ENTREP2: variants seen among roughly 807,000 people sequenced by gnomAD.
ENTREP2 encodes the protein endosomal transmembrane epsin interactor 2.
the ENTREP2 span, chr15:29,126,429 A>G: frequency 2.6e-6 from 4 of 1,549,800 alleles, no homozygotes; most frequent in Admixed American, 7.9e-5. Flanking sequence ...CCATCGGGGG[A>G]TGGGCTGGAA....
the ENTREP2 span, among the ~76,000 whole-genome samples, chr15:29,188,941 G>A: frequency 1.5e-4 from 23 of 152,328 alleles, no homozygotes; most frequent in East Asian, 3.9e-4. Flanking sequence ...GGAGGGTGGC[G>A]TACCCTCGCT....
chr15:29,422,847 G>T, the ENTREP2 span, among the ~76,000 whole-genome samples: 1 of 152,154 alleles, frequency 6.6e-6, no homozygotes, highest in Admixed American at 6.5e-5. Context: ...GTACTCCATG[G>T]AATTAGAAGT....
the ENTREP2 span, among the ~76,000 whole-genome samples, chr15:29,255,428 A>C: frequency 6.6e-6 from 1 of 152,196 alleles, no homozygotes; most frequent in African/African-American, 2.4e-5. Flanking sequence ...TGGAAATGTA[A>C]ATTAGTTCAG....
At chr15:29,125,781 C>T in the ENTREP2 span, among the ~76,000 whole-genome samples, 1 of 152,216 alleles carries the variant, frequency 6.6e-6, no homozygotes, top group African/African-American at 2.4e-5. Flanking sequence ...AGGTCCTAGG[C>T]TCCAGGGCAC....
the ENTREP2 span, among the ~76,000 whole-genome samples, chr15:29,443,832 C>T: frequency 1.2e-4 from 18 of 152,016 alleles, no homozygotes; most frequent in Admixed American, 3.9e-4. Flanking sequence ...GGGCCGGGCG[C>T]GGTGGCTCAC....
the ENTREP2 span, among the ~76,000 whole-genome samples, chr15:29,159,239 G>A: frequency 6.6e-6 from 1 of 152,054 alleles, no homozygotes; most frequent in Non-Finnish European, 1.5e-5. Flanking sequence ...CCTCCGCGGT[G>A]AGTGTTACAG....
chr15:29,362,755 C>T, the ENTREP2 span, among the ~76,000 whole-genome samples: 2 of 151,952 alleles, frequency 1.3e-5, no homozygotes, highest in Non-Finnish European at 1.5e-5. Flanking sequence ...AAAAAATGTG[C>T]CTGATGGATT....
the ENTREP2 span, among the ~76,000 whole-genome samples, chr15:29,407,325 C>T: frequency 1.3e-5 from 2 of 152,122 alleles, no homozygotes; most frequent in Non-Finnish European, 2.9e-5. Flanking sequence ...CATGGGACCA[C>T]CATTGTATAC....
the ENTREP2 span, among the ~76,000 whole-genome samples, chr15:29,247,676 A>C: frequency 6.6e-6 from 1 of 152,170 alleles, no homozygotes; most frequent in Non-Finnish European, 1.5e-5. Context: ...CCCAGCATAC[A>C]TGTCCAGCTT....
At chr15:29,588,490 A>AAG in the ENTREP2 span, among the ~76,000 whole-genome samples, 82 of 136,416 alleles carry the variant, frequency 6.0e-4, no homozygotes, top group Non-Finnish European at 8.5e-4. Flanking sequence ...AAGAGAGATC[A>AAG]AGAGAGAGAG....
At chr15:29,293,873 C>T in the ENTREP2 span, among the ~76,000 whole-genome samples, 4 of 152,226 alleles carry the variant, frequency 2.6e-5, no homozygotes, top group Admixed American at 6.5e-5. Context: ...GGGTTCGCTG[C>T]CATGCCCAAG....
chr15:29,224,336 G>A, the ENTREP2 span, among the ~76,000 whole-genome samples: 1 of 152,152 alleles, frequency 6.6e-6, no homozygotes, highest in African/African-American at 2.4e-5. Flanking sequence ...GTGAGCAGCA[G>A]CAACTTATTG....
chr15:29,233,779 G>A, the ENTREP2 span: 2 of 1,543,970 alleles, frequency 1.3e-6, no homozygotes, highest in Non-Finnish European at 1.8e-6. Context: ...GATGTGTGTG[G>A]TGTCCAGATG....
chr15:29,572,002 C>A, the ENTREP2 span, among the ~76,000 whole-genome samples: 25 of 152,262 alleles, frequency 1.6e-4, no homozygotes, highest in African/African-American at 6.0e-4. Context: ...GGATGAGAAA[C>A]GCTAGAGAGT....
chr15:29,628,361 T>C, the ENTREP2 span, among the ~76,000 whole-genome samples: 2 of 152,346 alleles, frequency 1.3e-5, no homozygotes, highest in Middle Eastern at 3.4e-3. Context: ...GTAGGAGTTC[T>C]TTATATATTC....
At chr15:29,424,198 A>AATAAAGCT in the ENTREP2 span, among the ~76,000 whole-genome samples, 2 of 152,220 alleles carry the variant, frequency 1.3e-5, no homozygotes, top group South Asian at 2.1e-4. Flanking sequence ...AGCAAGCTTT[A>AATAAAGCT]TTGCCAAGAG....
the ENTREP2 span, among the ~76,000 whole-genome samples, chr15:29,396,925 G>A: frequency 2.0e-5 from 3 of 152,134 alleles, no homozygotes; most frequent in East Asian, 1.9e-4. Context: ...TCAATAAATG[G>A]TTCTGGGATA....
chr15:29,612,837 A>C, the ENTREP2 span: 1 of 153,946 alleles, frequency 6.5e-6, no homozygotes, highest in African/African-American at 2.4e-5. Context: ...TAAAGAAACC[A>C]GTGACTCACA....
the ENTREP2 span, among the ~76,000 whole-genome samples, chr15:29,317,859 A>G: frequency 1.2e-4 from 19 of 152,156 alleles, no homozygotes; most frequent in Admixed American, 9.2e-4. Flanking sequence ...GACCCACAGA[A>G]GGAGGCGGGA....
Sources: allele counts gnomAD v4.1 joint callset (sites outside exome capture counted in the v4.1 genomes callset), GRCh38; gene constraint gnomAD v4.1.1; transcripts MANE v1.5; gene names NCBI Gene and HGNC (gene_info 2026-07-23, HGNC 2026-07-21).